CNTN3: variants seen among roughly 807,000 people sequenced by gnomAD.
CNTN3 encodes the protein contactin 3.
Under a neutral mutation model 119.1 loss-of-function variants are expected in CNTN3, and 60 were observed. The observed-to-expected ratio is 0.50, with a 90% CI of 0.41 to 0.62. The LOEUF (loss-of-function observed/expected upper bound fraction) is 0.62. Among genes scored for constraint, CNTN3 ranks in the 20% least tolerant of loss-of-function variants. The pLI, the probability that CNTN3 is intolerant of heterozygous loss-of-function variation, is 0.00. For missense variants in CNTN3, 1,101 were observed against 1,242.4 expected, an observed-to-expected ratio of 0.89 and a Z score of 1.71; for synonymous variants, 450 against 438.7, an observed-to-expected ratio of 1.03 and a Z score of -0.32.
chr3:74,601,616 TG>T (rs1411570889), intron 1 of CNTN3, among the ~76,000 whole-genome samples: 1 of 152,132 alleles, frequency 6.6e-6, no homozygotes, highest in African/African-American at 2.4e-5. Flanking sequence ...TGAGGTTTGG[TG>T]GTATGACAGA....
chr3:74,496,626 T>C (rs6549604), intron 3 of CNTN3, among the ~76,000 whole-genome samples: 121,286 of 151,946 alleles, frequency 0.8, 50,038 homozygotes, highest in Non-Finnish European at 0.91. Flanking sequence ...TTAGCATTAG[T>C]TGATTGGACA....
At chr3:74,480,692 T>C (rs1575767709) in intron 4 of CNTN3, among the ~76,000 whole-genome samples, 1 of 151,766 alleles carries the variant, frequency 6.6e-6, no homozygotes, top group Admixed American at 6.6e-5. Context: ...CTATTTCTGA[T>C]CTAGAAGATA....
At chr3:74,596,103 A>C (rs9881509) in intron 1 of CNTN3, among the ~76,000 whole-genome samples, 32,060 of 151,760 alleles carry the variant, frequency 0.21, 4,762 homozygotes, top group African/African-American at 0.44. Context: ...CAAAGAGAAT[A>C]AAATACTTAG....
intron 13 of CNTN3, among the ~76,000 whole-genome samples, chr3:74,331,244 C>T (rs1242595401): frequency 6.6e-6 from 1 of 152,156 alleles, no homozygotes; most frequent in African/African-American, 2.4e-5. Flanking sequence ...CGTATTTTTA[C>T]TGTACCATTT....
At chr3:74,326,322 T>C in intron 13 of CNTN3, among the ~76,000 whole-genome samples, 1 of 152,162 alleles carries the variant, frequency 6.6e-6, no homozygotes, top group East Asian at 1.9e-4. Flanking sequence ...TACTTAAAAA[T>C]GTTAATACAT....
rs76711428 is a variant in CNTN3, at chr3:74,272,150, C to A, written c.2705-4772G>T. ...AGAAGAAGAATTGTTCTGGGCTGCA[C>A]ATAAAATGCACTAACGATAGCTGAT... On this transcript the variant is annotated intron_variant, in intron 20 of 22. Transcript: ENST00000263665. Among the ~76,000 whole-genome samples the A allele has an allele frequency of 3.6e-3, 550 of 152,248 alleles. 2 individuals are homozygous for A. Among genetic ancestry groups the A allele is most frequent in the Non-Finnish European group, 5.0e-3 (343 of 68,010 alleles).
chr3:74,524,896 C>T (rs765777495), intron 1 of CNTN3, among the ~76,000 whole-genome samples: 5 of 151,742 alleles, frequency 3.3e-5, no homozygotes, highest in Non-Finnish European at 5.9e-5. Flanking sequence ...TATGTTTTTG[C>T]TCTCGGGTTG....
chr3:74,297,521 A>C (rs1463728495), intron 18 of CNTN3, among the ~76,000 whole-genome samples: 2 of 152,214 alleles, frequency 1.3e-5, no homozygotes, highest in Admixed American at 6.5e-5. Flanking sequence ...GCAAGGGAAA[A>C]GGAGCAGATA....
intron 2 of CNTN3, among the ~76,000 whole-genome samples, chr3:74,512,516 C>A (rs1559640571): frequency 6.6e-6 from 1 of 151,864 alleles, no homozygotes; most frequent in East Asian, 1.9e-4. Context: ...CAAATAATTA[C>A]TCACCAAAGC....
At chr3:74,513,306 C>T (rs1559640976) in intron 2 of CNTN3, among the ~76,000 whole-genome samples, 5 of 152,116 alleles carry the variant, frequency 3.3e-5, no homozygotes. Context: ...GTCACAATGG[C>T]AGCAACTGAT....
At chr3:74,334,960 G>T in intron 12 of CNTN3, 50 bp from the exon 13 acceptor site, 1 of 1,448,726 alleles carries the variant, frequency 6.9e-7, no homozygotes, top group Non-Finnish European at 9.6e-7. Context: ...TGTGATAAAA[G>T]ACATTTGCAC....
chr3:74,580,704 T>C (rs1025812559), intron 1 of CNTN3, among the ~76,000 whole-genome samples: 10 of 151,980 alleles, frequency 6.6e-5, no homozygotes, highest in Admixed American at 4.6e-4. Flanking sequence ...CAAGTAGAAA[T>C]AGAAATGAAC....
intron 20 of CNTN3, among the ~76,000 whole-genome samples, chr3:74,273,116 C>A (rs576642836): frequency 3.9e-4 from 59 of 152,192 alleles, no homozygotes; most frequent in African/African-American, 1.3e-3. Context: ...CCAGACTGGA[C>A]AATTATACAA....
At chr3:74,295,458 C>A (rs569084837) in intron 18 of CNTN3, among the ~76,000 whole-genome samples, 1 of 152,296 alleles carries the variant, frequency 6.6e-6, no homozygotes, top group African/African-American at 2.4e-5. Context: ...CTGTGGCAAC[C>A]TATACTTTCC....
chr3:74,499,339 A>G (rs1028778521), intron 3 of CNTN3, among the ~76,000 whole-genome samples: 1 of 151,930 alleles, frequency 6.6e-6, no homozygotes, highest in East Asian at 1.9e-4. Flanking sequence ...TTAACTTTAA[A>G]ACACAATTTC....
chr3:74,503,105 G>C (rs935311680), intron 2 of CNTN3, among the ~76,000 whole-genome samples: 1 of 152,142 alleles, frequency 6.6e-6, no homozygotes, highest in African/African-American at 2.4e-5. Flanking sequence ...CTCCCCAGAA[G>C]TGAGGCCTAG....
intron 1 of CNTN3, among the ~76,000 whole-genome samples, chr3:74,593,061 TTTTTG>T (rs968341430): frequency 2.0e-5 from 3 of 151,844 alleles, no homozygotes; most frequent in African/African-American, 4.8e-5. Flanking sequence ...GGATGCTGAG[TTTTTG>T]TTTTGTTTTG....
At chr3:74,294,883 G>A (rs752255189) in intron 19 of CNTN3, among the ~76,000 whole-genome samples, 6 of 152,220 alleles carry the variant, frequency 3.9e-5, no homozygotes, top group South Asian at 4.2e-4. Context: ...TTTGGCCCAC[G>A]TGATACGTGA....
chr3:74,302,482 A>C (rs2106819588), intron 14 of CNTN3, among the ~76,000 whole-genome samples: 2 of 152,350 alleles, frequency 1.3e-5, no homozygotes, highest in South Asian at 4.1e-4. Context: ...TGCCAATTAC[A>C]GTGAGAGCTA....
Sources: gnomAD v4.1 joint callset for allele counts (sites outside exome capture counted in the v4.1 genomes callset) on GRCh38, gnomAD v4.1.1 for gene constraint, MANE v1.5 for transcripts, NCBI Gene and HGNC (gene_info 2026-07-23, HGNC 2026-07-21) for gene names.